LZTR1: variants seen among roughly 807,000 people sequenced by gnomAD.
LZTR1 encodes leucine zipper like post translational regulator 1.
A neutral mutation model predicts 105.7 loss-of-function variants in LZTR1; 260 were observed. The observed-to-expected ratio is 2.46, with a 90% confidence interval of 2.22 to 2.72. The LOEUF (loss-of-function observed/expected upper bound fraction) is 2.72, where lower values mean the gene tolerates loss of function less well. LZTR1 is among the 30% of genes most tolerant of loss of function. LZTR1 has a pLI of 0.00. For missense variants in LZTR1, 1,214 were observed against 1,166.9 expected, an observed-to-expected ratio of 1.04 and a Z score of -0.59; for synonymous variants, 490 against 476.4, an observed-to-expected ratio of 1.03 and a Z score of -0.37.
rs1417128858 is a variant in LZTR1, at chr22:20,982,333, G to A, written c.-39G>A. On this transcript the variant is annotated 5_prime_UTR_variant, in exon 1 of 21. Transcript: ENST00000646124. Reference sequence around the variant, plus strand: ...AGCCGGCCCGGGGCGGTGGCCGCAAGTTGGGCTTACAGCGCGGCCGATCCG... The same window carrying A: ...AGCCGGCCCGGGGCGGTGGCCGCAAATTGGGCTTACAGCGCGGCCGATCCG... 6.7e-7 allele frequency: 1 copy of A among 1,494,474 alleles called. No individual in the cohort carries two copies. Among genetic ancestry groups the A allele is most frequent in the African/African-American group, 1.4e-5 (1 of 71,554 alleles). The allele number at this position is 1,494,474 out of a possible 1,614,324, so 92.6% of individuals were successfully genotyped here.
chr22:20,997,429 T>A lies in LZTR1; in HGVS notation c.*81T>A. Reference sequence around the variant, plus strand: ...CTGAGAAGACTACCGGCTATGCGCATGCCTATGGCAGTGGGTGCACCTGCC... The same window carrying A: ...CTGAGAAGACTACCGGCTATGCGCAAGCCTATGGCAGTGGGTGCACCTGCC... On this transcript the variant is annotated 3_prime_UTR_variant, in exon 21 of 21. Coordinates refer to ENST00000646124, the MANE Select transcript of LZTR1 (RefSeq NM_006767.4). 2 of 1,060,962 alleles carry A rather than the reference T, an allele frequency of 1.9e-6. No individual in the cohort carries two copies. Among genetic ancestry groups the A allele is most frequent in the South Asian group, 2.6e-5 (2 of 78,260 alleles). 65.7% of individuals were successfully genotyped at this position (1,060,962 alleles called of 1,614,324 possible).
chr22:20,994,705 G>A lies in LZTR1; in HGVS notation c.1763G>A (p.Arg588Gln), dbSNP rs374677947. Reference sequence around the variant, plus strand: ...CTGGTTGTGTGCGAGAGTGCCGCCCGGCTGCAGCTGAGCCAACTCAAGGTG... The same window carrying A: ...CTGGTTGTGTGCGAGAGTGCCGCCCAGCTGCAGCTGAGCCAACTCAAGGTG... ...NVLVVCESAA[R>Q]LQLSQLKEHC... Residue 588 changes from arginine to glutamine, a missense_variant, in exon 15 of 21, where the codon CGG becomes CAG. Transcript: ENST00000646124. The A allele has an allele frequency of 1.9e-6, 3 of 1,612,092 alleles. No individual in the cohort carries two copies. Among genetic ancestry groups the A allele is most frequent in the South Asian group, 1.1e-5 (1 of 91,040 alleles).
chr22:20,992,884 G>A lies in LZTR1; in HGVS notation c.1240G>A (p.Gly414Arg), dbSNP rs2147966033. 2.5e-6 allele frequency: 4 copies of A among 1,606,416 alleles called. No individual in the cohort carries two copies. Among genetic ancestry groups the A allele is most frequent in the Non-Finnish European group, 3.4e-6 (4 of 1,176,056 alleles). ...GGTVDNNIRS[G>R]EMYRFQFSCY... ...CACGGTGGACAACAACATCCGCAGCGGGGAGATGTACAGGTTCCAGGTGTG... is the reference window on the plus strand; with the variant it reads ...CACGGTGGACAACAACATCCGCAGCAGGGAGATGTACAGGTTCCAGGTGTG... The change falls in exon 11 of 21, where the codon GGG becomes AGG. Residue 414 changes from glycine (G) to arginine (R), a missense_variant. By Grantham distance (125) the Gly-to-Arg change is moderately radical. Transcript: ENST00000646124.
chr22:20,992,184 G>T (rs751857091), intron 9 of LZTR1, 30 bp from the exon 10 acceptor site: 1 of 1,604,512 alleles, frequency 6.2e-7, no homozygotes, highest in Admixed American at 1.7e-5. Flanking sequence ...TTGCCAACTG[G>T]TCTCATGCCC....
Position 20,982,300 on chromosome 22 carries a change from G to C in LZTR1, c.-72G>C. On this transcript the variant is annotated 5_prime_UTR_variant, in exon 1 of 21. Coordinates refer to ENST00000646124, the MANE Select transcript of LZTR1 (RefSeq NM_006767.4). Reference sequence around the variant, plus strand: ...AGCGCAGGGCTCGCCGGGAAATGTGGTTTCTCCAGCCGGCCCGGGGCGGTG... The same window carrying C: ...AGCGCAGGGCTCGCCGGGAAATGTGCTTTCTCCAGCCGGCCCGGGGCGGTG... 8.0e-7 allele frequency: 1 copy of C among 1,248,014 alleles called. No individual in the cohort carries two copies. The highest frequency in any genetic ancestry group is 1.1e-6 in the Non-Finnish European group (1 of 912,474). The allele number at this position is 1,248,014 out of a possible 1,614,324, so 77.3% of individuals were successfully genotyped here.
chr22:20,991,873 G>T, intron 9 of LZTR1, 44 bp downstream of exon 9: 1 of 1,500,082 alleles, frequency 6.7e-7, no homozygotes, highest in Non-Finnish European at 9.0e-7. Context: ...CTGGACACCA[G>T]TAGCTCCTAC....
intron 16 of LZTR1, chr22:20,995,404 C>G: frequency 3.3e-6 from 2 of 613,768 alleles, no homozygotes; most frequent in Non-Finnish European, 6.3e-6. Context: ...GGGGCTTGTG[C>G]TGACCCCGGT....
chr22:20,989,572 GC>G, intron 6 of LZTR1, 52 bp from the exon 7 acceptor site: 1 of 1,446,470 alleles, frequency 6.9e-7, no homozygotes, highest in Non-Finnish European at 9.7e-7. Flanking sequence ...CCAGGACTAG[GC>G]CCACCCTGAC....
At position 20,991,619 on chromosome 22, in the gene LZTR1, T is replaced by G. The variant is rs771676075; in HGVS notation, c.792-9T>G. ...GTCCCAGCATTGATTCACTGTTGTG[T>G]ACCCCCAGGTGGACACGCATCCCAA... On this transcript the variant is annotated splice_polypyrimidine_tract_variant and intron_variant, in intron 8 of 20. Coordinates refer to ENST00000646124, the MANE Select transcript of LZTR1 (RefSeq NM_006767.4). The G allele has an allele frequency of 3.3e-5, 52 of 1,570,316 alleles. No individual in the cohort carries two copies. Among genetic ancestry groups the G allele is most frequent in the Non-Finnish European group, 4.5e-5 (52 of 1,163,026 alleles).
Position 20,987,585 on chromosome 22 carries a change from T to TA in LZTR1, c.400+4dup. 1.2e-6 allele frequency: 2 copies of TA among 1,613,914 alleles called. No homozygotes were observed. The highest frequency in any genetic ancestry group is 1.7e-6 in the Non-Finnish European group (2 of 1,179,828). Reference sequence around the variant, plus strand: ...ATGGGAGCAGCATGTTTGTCTTTGGTAAGCAGCCTCTTGCCTCCCAGGGGC... The same window carrying TA: ...ATGGGAGCAGCATGTTTGTCTTTGGTAAAGCAGCCTCTTGCCTCCCAGGGGC... On this transcript the variant is annotated splice_region_variant and intron_variant, in intron 4 of 20. Coordinates refer to ENST00000646124, the MANE Select transcript of LZTR1 (RefSeq NM_006767.4).
At chr22:20,994,419 C>A in intron 14 of LZTR1, 139 bp from the exon 15 acceptor site, 1 of 1,244,310 alleles carries the variant, frequency 8.0e-7, no homozygotes, top group Non-Finnish European at 1.1e-6. Context: ...ATCACTGCAG[C>A]TGGACGCCAT....
At chr22:20,990,608 T>C (rs1924574371) in intron 8 of LZTR1, 83 bp downstream of exon 8, 1 of 1,411,708 alleles carries the variant, frequency 7.1e-7, no homozygotes, top group Admixed American at 1.9e-5. Flanking sequence ...CTCTTGCACC[T>C]GGTGGCCATG....
In LZTR1 at chr22:20,994,677, G is replaced by A. The variant is rs765416902; in HGVS notation, c.1735G>A (p.Val579Met). The A allele has an allele frequency of 2.9e-5, 47 of 1,612,814 alleles. No individual in the cohort carries two copies. The highest frequency in any genetic ancestry group is 3.6e-5 in the Non-Finnish European group (42 of 1,180,014). ...CGAGGCCTCCGTGGACCTGCAGAAC[G>A]TGCTGGTTGTGTGCGAGAGTGCCGC... Reference protein sequence around the residue: ...YIEASVDLQNVLVVCESAARL... With the variant: ...YIEASVDLQNMLVVCESAARL... The change falls in exon 15 of 21, where the codon GTG becomes ATG. Residue 579 changes from valine to methionine, a missense_variant. Physicochemically the swap from Val to Met is conservative, Grantham distance 21 (BLOSUM62 1). Transcript: ENST00000646124.
chr22:20,988,958 G>C, intron 6 of LZTR1, 86 bp downstream of exon 6: 1 of 1,254,714 alleles, frequency 8.0e-7, no homozygotes. Flanking sequence ...GGCTTAGGCT[G>C]GGAGGATTTT....
chr22:20,992,192 C>A (rs762058380), intron 9 of LZTR1, 22 bp from the exon 10 acceptor site: 5 of 1,607,840 alleles, frequency 3.1e-6, no homozygotes, highest in Non-Finnish European at 4.2e-6. Flanking sequence ...TGGTCTCATG[C>A]CCATGTGTCT....
At chr22:20,993,837 C>T (rs1415104280) in intron 12 of LZTR1, 83 bp downstream of exon 12, 3 of 1,564,764 alleles carry the variant, frequency 1.9e-6, no homozygotes, top group East Asian at 2.3e-5. Flanking sequence ...AGCTGCTGGC[C>T]TGGTGGTGCT....
chr22:20,984,766 C>T (rs1423448784), intron 2 of LZTR1, among the ~76,000 whole-genome samples: 2 of 152,020 alleles, frequency 1.3e-5, no homozygotes, highest in East Asian at 3.9e-4. Flanking sequence ...TAAGTGAGAC[C>T]GTTCAGGGGG....
intron 2 of LZTR1, among the ~76,000 whole-genome samples, chr22:20,985,475 G>T (rs1022217768): frequency 2.0e-5 from 3 of 152,370 alleles, no homozygotes; most frequent in African/African-American, 7.2e-5. Context: ...AGAGGAAGGG[G>T]ATTGGGACGT....
At chr22:20,982,673 A>T in intron 1 of LZTR1, 102 bp downstream of exon 1, 1 of 1,173,916 alleles carries the variant, frequency 8.5e-7, no homozygotes, top group East Asian at 2.5e-5. Context: ...CTGGGGTAGG[A>T]TCTGGTAATG....
Sources: allele counts gnomAD v4.1 joint callset (sites outside exome capture counted in the v4.1 genomes callset), GRCh38; gene constraint gnomAD v4.1.1; transcripts MANE v1.5; gene names NCBI Gene and HGNC (gene_info 2026-07-23, HGNC 2026-07-21).